The following GRM7 variants were observed in gnomAD, a reference collection of about 807,000 sequenced individuals.
GRM7 encodes glutamate metabotropic receptor 7.
Under a neutral mutation model 84.5 loss-of-function variants are expected in GRM7, and 35 were observed. The ratio of observed to expected loss-of-function variants is 0.41; its 90% CI spans 0.32 to 0.55. The LOEUF (loss-of-function observed/expected upper bound fraction) is 0.55, where lower values mean the gene tolerates loss of function less well. Among genes scored for constraint, GRM7 ranks in the 20% least tolerant of loss-of-function variants. GRM7 has a pLI of 0.19. For synonymous variants in GRM7, 487 were observed against 455.1 expected (o/e 1.07, Z -0.89); for missense variants, 1,003 against 1,194.6 (o/e 0.84, Z 2.36).
intron 1 of GRM7, among the ~76,000 whole-genome samples, chr3:7,083,435 A>G (rs1698336721): frequency 6.6e-6 from 1 of 152,152 alleles, no homozygotes; most frequent in South Asian, 2.1e-4. Context: ...TGGGAAACCA[A>G]AAAAACCTCA....
Position 7,215,621 on chromosome 3 carries a change from C to T in GRM7, c.736+68953C>T, listed in dbSNP as rs185737395. Among the ~76,000 whole-genome samples the T allele has an allele frequency of 2.6e-3, 389 of 151,750 alleles. 18 individuals carry two copies. The East Asian group carries it at 0.067, about 26-fold the overall frequency. ...CGGAGCTTGCAGTGAGCTGAGATCG[C>T]GCCACTGCACTCCAGCCTGGGCGAC... is the stretch of plus-strand genomic sequence containing the variant. On this transcript the variant is annotated intron_variant, in intron 2 of 9. Transcript: ENST00000357716.
rs1695586067 is a variant in GRM7, at chr3:7,188,242, G to A, written c.736+41574G>A. 6.6e-6 allele frequency among the ~76,000 whole-genome samples: 1 copy of A among 152,098 alleles called. No individual in the cohort carries two copies. Among genetic ancestry groups the A allele is most frequent in the Admixed American group, 6.6e-5 (1 of 15,246 alleles). On this transcript the variant is annotated intron_variant, in intron 2 of 9. Coordinates refer to ENST00000357716, the MANE Select transcript of GRM7 (RefSeq NM_000844.4). This position sits in a 1 kb window ranked among gnomAD's most constrained non-coding sequence, Gnocchi z 4.2. Reference sequence around the variant, plus strand: ...GAGGGAAGATCAGCATTATCAGCCTGCAGAAGAGCCAAAACTCCAGGCAGA... The same window carrying A: ...GAGGGAAGATCAGCATTATCAGCCTACAGAAGAGCCAAAACTCCAGGCAGA...
At chr3:6,878,065 A>C (rs1305466422) in intron 1 of GRM7, among the ~76,000 whole-genome samples, 1 of 152,050 alleles carries the variant, frequency 6.6e-6, no homozygotes, top group African/African-American at 2.4e-5. Context: ...CCAATACAGC[A>C]TGTCCCAAAT....
chr3:6,903,266 T>C (rs1395002108), intron 1 of GRM7, among the ~76,000 whole-genome samples: 15 of 151,852 alleles, frequency 9.9e-5, no homozygotes. Context: ...CTCTCCTATG[T>C]AGCATTATTG....
At chr3:7,669,539 A>C (rs1444129090) in intron 8 of GRM7, among the ~76,000 whole-genome samples, 1 of 152,204 alleles carries the variant, frequency 6.6e-6, no homozygotes, top group Non-Finnish European at 1.5e-5. Flanking sequence ...AGCAGGACAG[A>C]GTTTTAAAGA....
At chr3:7,641,532 C>G (rs1479038126) in intron 8 of GRM7, among the ~76,000 whole-genome samples, 1 of 152,076 alleles carries the variant, frequency 6.6e-6, no homozygotes, top group Admixed American at 6.6e-5. Flanking sequence ...ACTTTGGGAA[C>G]ATGTGAAAAT....
intron 2 of GRM7, among the ~76,000 whole-genome samples, chr3:7,255,082 G>A (rs771521190): frequency 6.6e-6 from 1 of 152,164 alleles, no homozygotes; most frequent in Admixed American, 6.5e-5. Flanking sequence ...TGGTAAGAAA[G>A]TACTGGTTTT....
intron 1 of GRM7, among the ~76,000 whole-genome samples, chr3:7,065,994 C>A (rs1697640712): frequency 6.6e-6 from 1 of 151,758 alleles, no homozygotes; most frequent in South Asian, 2.1e-4. Context: ...AATAATGATA[C>A]AACCTATCAA....
At chr3:6,935,308 A>G (rs375249807) in intron 1 of GRM7, among the ~76,000 whole-genome samples, 5 of 152,168 alleles carry the variant, frequency 3.3e-5, no homozygotes, top group African/African-American at 1.2e-4. Context: ...ATGTAAAACA[A>G]CATTCACTGA....
chr3:7,643,637 A>C (rs1204308065), intron 8 of GRM7, among the ~76,000 whole-genome samples: 1 of 152,192 alleles, frequency 6.6e-6, no homozygotes, highest in Non-Finnish European at 1.5e-5. Flanking sequence ...TAAATGTCAA[A>C]TGAGGCTAAC....
intron 8 of GRM7, among the ~76,000 whole-genome samples, chr3:7,655,672 C>T (rs979295369): frequency 6.6e-6 from 1 of 152,130 alleles, no homozygotes; most frequent in Non-Finnish European, 1.5e-5. Context: ...CTTACTACCA[C>T]CTTCACATAG....
chr3:7,536,713 C>T (rs1701258267), intron 7 of GRM7, among the ~76,000 whole-genome samples: 1 of 152,150 alleles, frequency 6.6e-6, no homozygotes, highest in South Asian at 2.1e-4. Flanking sequence ...TCATATTGGC[C>T]TCCTGCCCAC....
chr3:7,392,026 C>G (rs537754586), intron 4 of GRM7, among the ~76,000 whole-genome samples: 9 of 152,306 alleles, frequency 5.9e-5, no homozygotes, highest in African/African-American at 1.9e-4. Flanking sequence ...GTGCCACCTT[C>G]AGTAGCTGGT....
At chr3:7,209,820 G>C (rs889486316) in intron 2 of GRM7, among the ~76,000 whole-genome samples, 3 of 152,124 alleles carry the variant, frequency 2.0e-5, no homozygotes, top group African/African-American at 7.2e-5. Flanking sequence ...AAGTAGAGAA[G>C]GCCTTAAAGG....
intron 2 of GRM7, among the ~76,000 whole-genome samples, chr3:7,152,610 C>G (rs1482966344): frequency 2.0e-5 from 3 of 152,172 alleles, no homozygotes; most frequent in African/African-American, 7.2e-5. Context: ...TGCTTTCTGT[C>G]TGGACTACCA....
At chr3:7,069,934 G>A (rs1407406132) in intron 1 of GRM7, among the ~76,000 whole-genome samples, 1 of 152,032 alleles carries the variant, frequency 6.6e-6, no homozygotes, top group Non-Finnish European at 1.5e-5. Flanking sequence ...CATAGAGTTG[G>A]AGGAGGAATA....
At chr3:7,144,836 C>G (rs112361142) in intron 1 of GRM7, among the ~76,000 whole-genome samples, 1 of 152,136 alleles carries the variant, frequency 6.6e-6, no homozygotes, top group African/African-American at 2.4e-5. Context: ...GGTAGAAGGA[C>G]CCATCAGGAG....
At chr3:6,952,413 CT>C (rs1422654148) in intron 1 of GRM7, among the ~76,000 whole-genome samples, 1 of 152,158 alleles carries the variant, frequency 6.6e-6, no homozygotes, top group Admixed American at 6.5e-5. Context: ...GGGAGAAACC[CT>C]TTGTGGATCT....
chr3:7,116,718 T>C (rs559056393), intron 1 of GRM7, among the ~76,000 whole-genome samples: 1 of 152,276 alleles, frequency 6.6e-6, no homozygotes, highest in South Asian at 2.1e-4. Context: ...ACCTTCCCTT[T>C]TTAGATGTTG....
Sources: allele counts gnomAD v4.1 joint callset (sites outside exome capture counted in the v4.1 genomes callset), GRCh38; gene constraint gnomAD v4.1.1; non-coding constraint Gnocchi (gnomAD v3.1); transcripts MANE v1.5; gene names NCBI Gene and HGNC (gene_info 2026-07-23, HGNC 2026-07-21).